Variants in RBBP7 observed in about 807,000 individuals in gnomAD.
RBBP7 encodes histone-binding protein RBBP7.
A neutral mutation model predicts 35.2 loss-of-function variants in RBBP7; 5 were observed. The ratio of observed to expected loss-of-function variants is 0.14; its 90% CI spans 0.07 to 0.30. RBBP7 has a LOEUF of 0.30. Ranked by LOEUF, RBBP7 falls within the 10% of genes least tolerant of loss-of-function variation. The pLI, the probability that RBBP7 is intolerant of heterozygous loss-of-function variation, is 1.00. For synonymous variants in RBBP7, 140 were observed against 118.7 expected, an observed-to-expected ratio of 1.18 and a Z score of -1.17; for missense variants, 155 against 327.5, an observed-to-expected ratio of 0.47 and a Z score of 4.07.
intron 1 of RBBP7, chrX:16,869,704 G>A (rs1183371215): frequency 7.9e-6 from 8 of 1,011,753 alleles, no homozygotes; most frequent in African/African-American, 2.0e-5. Context: ...CAACGCGCGC[G>A]CGCGCGTAGA....
At position 16,863,110 on chromosome X, in the gene RBBP7, A is replaced by C. The variant is rs1456724174; in HGVS notation, c.162-10T>G. On this transcript the variant is annotated splice_polypyrimidine_tract_variant and intron_variant, in intron 2 of 11. Coordinates refer to ENST00000380087, the MANE Select transcript of RBBP7 (RefSeq NM_002893.4). ...ATCTTTTCCTTCAGGTCTGTTTAAG[A>C]AAGAAAATAAGTCACACTAATCCTA... The C allele has an allele frequency of 8.3e-7, 1 of 1,200,215 alleles. No homozygotes were observed.
intron 2 of RBBP7, among the ~76,000 whole-genome samples, chrX:16,864,468 A>T (rs1447648989): frequency 9.7e-6 from 1 of 103,018 alleles, no homozygotes; most frequent in Non-Finnish European, 2.0e-5. Context: ...GTGGTGAGTC[A>T]AGATCTCAAG....
intron 5 of RBBP7, among the ~76,000 whole-genome samples, chrX:16,856,068 ACT>A (rs780111521): frequency 1.5e-3 from 162 of 107,919 alleles, no homozygotes; most frequent in African/African-American, 5.1e-3. Context: ...AATCATAGGG[ACT>A]TATACCTAGA....
rs182581408 is a variant in RBBP7, at chrX:16,854,153, G to A, written c.598-311C>T. Among the ~76,000 whole-genome samples the A allele has an allele frequency of 1.2e-3, 139 of 111,962 alleles. 1 individual carries two copies. The highest frequency in any genetic ancestry group is 4.3e-3 in the African/African-American group (132 of 30,834). On this transcript the variant is annotated intron_variant, in intron 5 of 11. Coordinates refer to ENST00000380087, the MANE Select transcript of RBBP7 (RefSeq NM_002893.4). ...CCTGCCTTGGCCTCCCAAAGTGCTG[G>A]GACTACAGGTGTGAGCCACTGTGCC...
intron 3 of RBBP7, among the ~76,000 whole-genome samples, chrX:16,860,523 C>A (rs1242313747): frequency 1.8e-5 from 2 of 108,805 alleles, no homozygotes; most frequent in African/African-American, 6.7e-5. Context: ...CCCGTCTCTA[C>A]TAAAAATACA....
In RBBP7 at chrX:16,852,858, T is replaced by C. The variant is rs190827851; in HGVS notation, c.776A>G (p.Asn259Ser). 41 of 1,211,586 alleles carry C rather than the reference T, an allele frequency of 3.4e-5. No homozygotes were observed. Among genetic ancestry groups the C allele is most frequent in the Admixed American group, 6.5e-5 (3 of 46,011 alleles). ...QKLMIWDTRS[N>S]TTSKPSHLVD... ...CAAGTGACTCGGCTTGGAGGTGGTATTGGACCTGGTGTCCCATCTAAAACA... is the reference window on the plus strand; with the variant it reads ...CAAGTGACTCGGCTTGGAGGTGGTACTGGACCTGGTGTCCCATCTAAAACA... The change falls in exon 7 of 12, where the codon AAT becomes AGT. Residue 259 changes from asparagine to serine, a missense_variant. By Grantham distance (46) the Asn-to-Ser change is conservative. This residue lies in a region of RBBP7 where 79 missense variants were observed against 220.8 expected (regional missense o/e 0.36). Transcript: ENST00000380087.
intron 2 of RBBP7, among the ~76,000 whole-genome samples, chrX:16,864,380 A>G (rs1930548102): frequency 1.8e-5 from 2 of 109,913 alleles, no homozygotes; most frequent in Admixed American, 9.7e-5. Flanking sequence ...TTAGCCGGGC[A>G]TGGTGGCGCA....
chrX:16,861,004 T>C (rs1930463494), intron 3 of RBBP7, among the ~76,000 whole-genome samples: 1 of 110,484 alleles, frequency 9.1e-6, no homozygotes, highest in Admixed American at 9.6e-5. Flanking sequence ...CAAAACCCAG[T>C]CTCTACTAAA....
At chrX:16,860,459 C>T (rs189625740) in intron 3 of RBBP7, among the ~76,000 whole-genome samples, 12 of 110,263 alleles carry the variant, frequency 1.1e-4, no homozygotes, top group African/African-American at 3.3e-4. Flanking sequence ...GAGGCCAAGG[C>T]GTGCGGATCA....
intron 5 of RBBP7, among the ~76,000 whole-genome samples, chrX:16,855,868 G>C (rs1930334947): frequency 9.3e-6 from 1 of 107,504 alleles, no homozygotes; most frequent in Non-Finnish European, 1.9e-5. Context: ...GTGGTGGTGG[G>C]CGCCTGTAGT....
At chrX:16,869,986 C>T in intron 1 of RBBP7, 52 bp downstream of exon 1, 34 of 755,789 alleles carry the variant, frequency 4.5e-5, no homozygotes, top group Non-Finnish European at 5.3e-5. Flanking sequence ...CGGCCTCGCG[C>T]GCCCGCCGCC....
chrX:16,856,916 C>CA (rs1930367085), intron 5 of RBBP7, among the ~76,000 whole-genome samples: 1 of 111,598 alleles, frequency 9.0e-6, no homozygotes, highest in Non-Finnish European at 1.9e-5. Flanking sequence ...AATGGTTCAT[C>CA]AACTGACAAA....
chrX:16,855,247 T>G (rs1483808128), intron 5 of RBBP7, among the ~76,000 whole-genome samples: 1 of 111,501 alleles, frequency 9.0e-6, no homozygotes, highest in East Asian at 2.8e-4. Context: ...AGACGGAGTT[T>G]CACCACGTTG....
At chrX:16,869,336 G>A (rs1342604960) in intron 1 of RBBP7, 116 bp from the exon 2 acceptor site, 2 of 1,053,409 alleles carry the variant, frequency 1.9e-6, no homozygotes, top group African/African-American at 1.9e-5. Context: ...CCTCTAATTT[G>A]GACACGGACA....
intron 2 of RBBP7, among the ~76,000 whole-genome samples, chrX:16,864,975 C>T (rs755054440): frequency 2.0e-5 from 2 of 99,002 alleles, no homozygotes; most frequent in South Asian, 4.6e-4. Flanking sequence ...GCTGTGCACC[C>T]GTAGTACCAG....
intron 2 of RBBP7, among the ~76,000 whole-genome samples, chrX:16,864,692 C>T (rs5969755): frequency 0.47 from 50,311 of 107,831 alleles, 9,001 homozygotes; most frequent in East Asian, 0.85. Flanking sequence ...ATGTGCCCCC[C>T]ACCCCCGACC....
chrX:16,865,247 A>G lies in RBBP7; in HGVS notation c.162-2147T>C, dbSNP rs774783438. ...AAAAAACAAAAAACACAAAAACAAA[A>G]AACAAAAATTTAAATAAATATTTAA... On this transcript the variant is annotated intron_variant, in intron 2 of 11. Transcript: ENST00000380087. Among the ~76,000 whole-genome samples the G allele has an allele frequency of 1.4e-4, 15 of 110,756 alleles. No homozygotes were observed. In the South Asian group the frequency reaches 5.6e-3, roughly 41 times the overall value.
chrX:16,867,551 C>T (rs1488026453), intron 2 of RBBP7, among the ~76,000 whole-genome samples: 2 of 111,701 alleles, frequency 1.8e-5, no homozygotes, highest in Admixed American at 9.5e-5. Context: ...CACATCTGTA[C>T]ATTTATATTT....
intron 5 of RBBP7, among the ~76,000 whole-genome samples, chrX:16,857,090 C>CTAT (rs753783740): frequency 6.7e-4 from 75 of 111,325 alleles, no homozygotes; most frequent in Non-Finnish European, 1.3e-3. Context: ...ACAGATAACT[C>CTAT]TATAGAGACA....
Sources: gnomAD v4.1 joint callset for allele counts (sites outside exome capture counted in the v4.1 genomes callset) on GRCh38, gnomAD v4.1.1 for gene constraint, gnomAD v4.1.1 regional missense constraint, MANE v1.5 for transcripts, NCBI Gene and HGNC (gene_info 2026-07-23, HGNC 2026-07-21) for gene names.